The following AFF3 variants were observed in gnomAD, a reference collection of about 807,000 sequenced individuals.
AFF3 encodes AF4/FMR2 family member 3.
AFF3 carries 32 observed loss-of-function variants against 129.7 expected under a neutral mutation model. The observed-to-expected ratio is 0.25, with a 90% CI of 0.19 to 0.33. The LOEUF (loss-of-function observed/expected upper bound fraction) is 0.33. AFF3 is among the 10% of genes least tolerant of loss of function. AFF3 has a pLI of 1.00. For synonymous variants in AFF3, 644 were observed against 635.4 expected, an observed-to-expected ratio of 1.01 and a Z score of -0.20; for missense variants, 1,373 against 1,592.0, an observed-to-expected ratio of 0.86 and a Z score of 2.34.
intron 11 of AFF3, among the ~76,000 whole-genome samples, chr2:99,719,576 T>C (rs961860429): frequency 6.6e-6 from 1 of 152,188 alleles, no homozygotes; most frequent in African/African-American, 2.4e-5. Context: ...ATCTTAAAGT[T>C]TTCATAGAAT....
intron 16 of AFF3, among the ~76,000 whole-genome samples, chr2:99,583,252 C>G (rs2104840668): frequency 6.6e-6 from 1 of 152,318 alleles, no homozygotes; most frequent in African/African-American, 2.4e-5. Context: ...ACGACTAAGA[C>G]TAATAACACC....
At chr2:100,100,659 C>T (rs1690657983) in intron 4 of AFF3, among the ~76,000 whole-genome samples, 3 of 152,230 alleles carry the variant, frequency 2.0e-5, no homozygotes, top group African/African-American at 7.2e-5. Context: ...ATATGTACAA[C>T]CTACGCCTTA....
At chr2:99,932,137 G>A (rs1229506097) in intron 7 of AFF3, among the ~76,000 whole-genome samples, 1 of 152,172 alleles carries the variant, frequency 6.6e-6, no homozygotes, top group East Asian at 1.9e-4. Flanking sequence ...ACGCATGCAG[G>A]CCAGGATGGC....
rs1043811347 is a variant in AFF3 at position 99,750,401 on chromosome 2, C to CT, written c.1002+1819dup. On this transcript the variant is annotated intron_variant, in intron 9 of 24. Transcript: ENST00000672756. ...CATTGGCAAAGATATGTAAAAAGTACTTTTTTTTTTTCTTTTCTTTTTTTT... is the reference window on the plus strand; with the variant it reads ...CATTGGCAAAGATATGTAAAAAGTACTTTTTTTTTTTTCTTTTCTTTTTTTT... Among the ~76,000 whole-genome samples the CT allele has an allele frequency of 4.3e-4, 24 of 55,458 alleles. 1 individual carries two copies. Among genetic ancestry groups the CT allele is most frequent in the Non-Finnish European group, 6.1e-4 (15 of 24,436 alleles). The allele number at this position is 55,458 out of a possible 152,430, so 36.4% of individuals were successfully genotyped here. A position where few individuals can be genotyped will look rare whatever the true frequency, so the allele number is the denominator to read the frequency against.
At chr2:99,841,051 C>T (rs969049094) in intron 7 of AFF3, among the ~76,000 whole-genome samples, 1 of 152,204 alleles carries the variant, frequency 6.6e-6, no homozygotes, top group Non-Finnish European at 1.5e-5. Flanking sequence ...AACTTGACCT[C>T]AGGTCCTCCT....
At chr2:99,711,097 T>C (rs991328640) in intron 11 of AFF3, among the ~76,000 whole-genome samples, 22 of 152,192 alleles carry the variant, frequency 1.4e-4, no homozygotes, top group Middle Eastern at 3.4e-3. Context: ...GCAATTCTCT[T>C]GACAGTAGGG....
rs770126629 is a variant in AFF3, at chr2:99,568,902, C to T, written c.2932G>A (p.Asp978Asn). The T allele has an allele frequency of 9.9e-6, 16 of 1,613,926 alleles. No individual in the cohort carries two copies. The highest frequency in any genetic ancestry group is 3.3e-5 in the South Asian group (3 of 91,076). Reference protein sequence around the residue: ...LVFDDMPRSADYFMQEAKRMK... With the variant: ...LVFDDMPRSANYFMQEAKRMK... ...CGTTTAGCTTCTTGCATAAAATAAT[C>T]GGCACTGCGAGGCCTACAAGGAGAG... The change falls in exon 19 of 25, where the codon GAT becomes AAT. Residue 978 changes from aspartate to asparagine, a missense_variant. This residue lies in a region of AFF3 where 65 missense variants were observed against 102.1 expected (regional missense o/e 0.64). Coordinates refer to ENST00000672756, the MANE Select transcript of AFF3 (RefSeq NM_001386135.1).
chr2:99,938,444 T>TGAC (rs1674726206), intron 7 of AFF3, among the ~76,000 whole-genome samples: 1 of 152,106 alleles, frequency 6.6e-6, no homozygotes, highest in Admixed American at 6.5e-5. Context: ...ATGATGATGA[T>TGAC]GATGATGATG....
At chr2:100,092,545 T>C (rs569809987) in intron 4 of AFF3, among the ~76,000 whole-genome samples, 14 of 152,280 alleles carry the variant, frequency 9.2e-5, no homozygotes, top group Admixed American at 2.6e-4. Context: ...ATGTTTGAGC[T>C]CCTTAGAAAG....
At chr2:99,701,403 G>A (rs956279215) in intron 11 of AFF3, among the ~76,000 whole-genome samples, 2 of 152,188 alleles carry the variant, frequency 1.3e-5, no homozygotes, top group African/African-American at 4.8e-5. Flanking sequence ...TTCTCATCAG[G>A]TATGCTGTTT....
At chr2:99,801,149 A>C (rs1685913084) in intron 8 of AFF3, among the ~76,000 whole-genome samples, 1 of 152,226 alleles carries the variant, frequency 6.6e-6, no homozygotes, top group African/African-American at 2.4e-5. Context: ...ATTATATCTC[A>C]ATAAAGAAAT....
intron 11 of AFF3, among the ~76,000 whole-genome samples, chr2:99,683,754 T>C (rs1211327460): frequency 3.9e-5 from 6 of 152,216 alleles, no homozygotes; most frequent in African/African-American, 1.4e-4. Context: ...ATAAACTTCT[T>C]AATTTCTCGA....
chr2:99,855,654 A>T (rs1411112165), intron 7 of AFF3, among the ~76,000 whole-genome samples: 1 of 152,216 alleles, frequency 6.6e-6, no homozygotes, highest in Non-Finnish European at 1.5e-5. Context: ...TAAATAGGAT[A>T]GGATAAATAT....
chr2:99,762,848 G>C (rs1490137479), intron 8 of AFF3, among the ~76,000 whole-genome samples: 1 of 152,206 alleles, frequency 6.6e-6, no homozygotes, highest in African/African-American at 2.4e-5. Context: ...GTTTATGTGT[G>C]GCAGTGGCTG....
chr2:100,026,202 A>G (rs1684027176), intron 4 of AFF3, among the ~76,000 whole-genome samples: 1 of 152,048 alleles, frequency 6.6e-6, no homozygotes, highest in Non-Finnish European at 1.5e-5. Context: ...AATCAGTGAG[A>G]AAAAAACAAA....
chr2:99,929,658 C>T lies in AFF3; in HGVS notation c.873+76974G>A, dbSNP rs138160030. On this transcript the variant is annotated intron_variant, in intron 7 of 24. Coordinates refer to ENST00000672756, the MANE Select transcript of AFF3 (RefSeq NM_001386135.1). ...TTAGACAAAGCACACTCTGACATCA[C>T]GTTGCCTTGCCTTCACTTGATTTAG... 2.0e-5 allele frequency among the ~76,000 whole-genome samples: 3 copies of T among 152,256 alleles called. No individual in the cohort carries two copies. In the East Asian group the frequency reaches 5.8e-4, roughly 29 times the overall value.
intron 4 of AFF3, among the ~76,000 whole-genome samples, chr2:100,018,331 T>G (rs745897165): frequency 2.0e-5 from 3 of 152,180 alleles, no homozygotes; most frequent in Non-Finnish European, 4.4e-5. Flanking sequence ...CATCAGTTTT[T>G]TACTGATCAT....
chr2:99,815,025 T>C (rs577393686), intron 8 of AFF3, among the ~76,000 whole-genome samples: 4 of 152,014 alleles, frequency 2.6e-5, no homozygotes, highest in Non-Finnish European at 5.9e-5. Context: ...GATTTTTGTA[T>C]TAAAATGACA....
intron 20 of AFF3, among the ~76,000 whole-genome samples, chr2:99,562,742 T>C (rs1675585740): frequency 6.6e-6 from 1 of 152,196 alleles, no homozygotes; most frequent in Non-Finnish European, 1.5e-5. Flanking sequence ...ACCATTAGGT[T>C]AGGAGACTCT....
Sources: allele counts gnomAD v4.1 joint callset (sites outside exome capture counted in the v4.1 genomes callset), GRCh38; gene constraint gnomAD v4.1.1; regional missense constraint gnomAD v4.1.1; transcripts MANE v1.5; gene names NCBI Gene and HGNC (gene_info 2026-07-23, HGNC 2026-07-21).